Variants in RYR2 observed in about 807,000 individuals in gnomAD.
RYR2 encodes cardiac muscle ryanodine receptor-calcium release channel.
In RYR2, 227 loss-of-function variants were observed where a neutral mutation model predicts 601.1. That is an observed-to-expected ratio of 0.38 (90% confidence interval 0.34 to 0.42). RYR2 has a LOEUF of 0.42. Ranked by LOEUF, RYR2 falls within the 10% of genes least tolerant of loss-of-function variation. The pLI is 1.00. For synonymous variants in RYR2, 2,223 were observed against 2,175.1 expected (o/e 1.02, Z -0.61); for missense variants, 4,646 against 6,156.5 (o/e 0.75, Z 8.21).
intron 1 of RYR2, among the ~76,000 whole-genome samples, chr1:237,101,963 G>A (rs1398259489): frequency 6.6e-6 from 1 of 152,236 alleles, no homozygotes; most frequent in Non-Finnish European, 1.5e-5. Flanking sequence ...AGTTAATAAT[G>A]TGGCATCAAA....
At chr1:237,114,989 T>C (rs1669894263) in intron 1 of RYR2, among the ~76,000 whole-genome samples, 1 of 152,172 alleles carries the variant, frequency 6.6e-6, no homozygotes, top group African/African-American at 2.4e-5. Context: ...AGCAAGGTAG[T>C]CATCACCAAG....
At chr1:237,667,732 C>CAGAGA (rs1684450606) in intron 57 of RYR2, 151 bp from the exon 58 acceptor site, 2 of 531,644 alleles carry the variant, frequency 3.8e-6, no homozygotes, top group Admixed American at 7.6e-5. Flanking sequence ...CTGGGATTCA[C>CAGAGA]ATTCTAAAGA....
At chr1:237,288,966 T>G (rs1446983559) in intron 2 of RYR2, among the ~76,000 whole-genome samples, 1 of 152,144 alleles carries the variant, frequency 6.6e-6, no homozygotes, top group Admixed American at 6.5e-5. Flanking sequence ...CCCAGCGAGC[T>G]CCCAGGGCCT....
intron 3 of RYR2, among the ~76,000 whole-genome samples, chr1:237,345,179 G>T (rs548100721): frequency 6.6e-6 from 1 of 151,918 alleles, no homozygotes; most frequent in Non-Finnish European, 1.5e-5. Flanking sequence ...GATTATTGTG[G>T]GTCTTTTGCC....
intron 80 of RYR2, among the ~76,000 whole-genome samples, chr1:237,751,022 A>G (rs1692493352): frequency 6.6e-6 from 1 of 152,202 alleles, no homozygotes. Context: ...TATAGTTGTG[A>G]GTTTTCAAAA....
chr1:237,170,386 G>T (rs1677220172), intron 1 of RYR2, among the ~76,000 whole-genome samples: 1 of 152,170 alleles, frequency 6.6e-6, no homozygotes, highest in Non-Finnish European at 1.5e-5. Flanking sequence ...ACTGTAGAAG[G>T]TGGAAGGGAG....
intron 1 of RYR2, among the ~76,000 whole-genome samples, chr1:237,131,799 C>T (rs1672200802): frequency 2.0e-5 from 3 of 151,966 alleles, no homozygotes; most frequent in African/African-American, 7.3e-5. Context: ...TGGCTCATTG[C>T]AGCTTCGACC....
chr1:237,540,237 G>C (rs1053915265), intron 25 of RYR2, among the ~76,000 whole-genome samples: 2 of 151,940 alleles, frequency 1.3e-5, no homozygotes, highest in African/African-American at 4.8e-5. Context: ...AGAGCTTGTG[G>C]TCCTCACTAT....
intron 1 of RYR2, among the ~76,000 whole-genome samples, chr1:237,066,800 C>T (rs1663685399): frequency 6.6e-6 from 1 of 152,110 alleles, no homozygotes. Flanking sequence ...CACCACCACA[C>T]CCGGCTAATT....
chr1:237,364,337 CT>C lies in RYR2; in HGVS notation c.295-17del. ...ATCGTGTCTATTTAATGTTTCCTCT[CT>C]TTTCCTTATGCCCCTACAGAAATTC... is the stretch of plus-strand genomic sequence containing the variant. On this transcript the variant is annotated intron_variant, in intron 4 of 104. Transcript: ENST00000366574. 1 of 1,572,858 alleles carries C rather than the reference CT, an allele frequency of 6.4e-7. No individual in the cohort carries two copies. Among genetic ancestry groups the C allele is most frequent in the African/African-American group, 1.4e-5 (1 of 73,708 alleles).
intron 2 of RYR2, among the ~76,000 whole-genome samples, chr1:237,279,682 C>T (rs1043918876): frequency 7.9e-5 from 12 of 152,190 alleles, no homozygotes; most frequent in Non-Finnish European, 2.9e-5. Context: ...CAGTTTTATA[C>T]AGATGAGGAC....
intron 2 of RYR2, among the ~76,000 whole-genome samples, chr1:237,292,992 T>C (rs1572500391): frequency 6.6e-6 from 1 of 150,912 alleles, no homozygotes; most frequent in East Asian, 1.9e-4. Context: ...AAAAAAAAAG[T>C]CTTTTTTTTC....
At chr1:237,211,443 T>C (rs16834985) in intron 1 of RYR2, among the ~76,000 whole-genome samples, 2,435 of 152,336 alleles carry the variant, frequency 0.016, 78 homozygotes, top group African/African-American at 0.056. Context: ...TTTTCAGAGT[T>C]AATATTCTTT....
chr1:237,156,060 T>C (rs1324253693), intron 1 of RYR2, among the ~76,000 whole-genome samples: 2 of 152,214 alleles, frequency 1.3e-5, no homozygotes, highest in African/African-American at 2.4e-5. Flanking sequence ...TTTAGGCTTC[T>C]TTCTGTTGGA....
In RYR2 at chr1:237,590,720, C is replaced by A. The variant is rs373721253; in HGVS notation, c.3888C>A (p.Asn1296Lys). The A allele has an allele frequency of 6.2e-7, 1 of 1,610,558 alleles. No individual in the cohort carries two copies. Among genetic ancestry groups the A allele is most frequent in the East Asian group, 2.2e-5 (1 of 44,832 alleles). ...TQKSFGSQNSNTDIMFYRLSM... is the reference protein window; with the variant it reads ...TQKSFGSQNSKTDIMFYRLSM... ...AGTCTTTTGGTTCTCAGAACAGCAACACTGATATCATGTTTTATCGCCTGA... is the reference window on the plus strand; with the variant it reads ...AGTCTTTTGGTTCTCAGAACAGCAAAACTGATATCATGTTTTATCGCCTGA... The change falls in exon 31 of 105, where the codon AAC (asparagine) becomes AAA (lysine). Residue 1296 changes from asparagine (N) to lysine (K), a missense_variant. Asn to Lys is a moderately conservative substitution (Grantham distance 94). Around this residue, in one of 17 missense-constraint regions of RYR2, gnomAD observed 1,807 missense variants for 2,088.1 expected, o/e 0.87. Transcript: ENST00000366574.
chr1:237,725,169 T>A (rs570005422), intron 74 of RYR2, among the ~76,000 whole-genome samples: 1 of 152,116 alleles, frequency 6.6e-6, no homozygotes, highest in Non-Finnish European at 1.5e-5. Flanking sequence ...AAGTAGGTAA[T>A]CCCTGTATAA....
At chr1:237,270,181 A>T in intron 1 of RYR2, 1 of 435,584 alleles carries the variant, frequency 2.3e-6, no homozygotes, top group Non-Finnish European at 4.4e-6. Context: ...AGTGACGATA[A>T]TATGAAAATC....
At chr1:237,501,672 G>A (rs1664654336) in intron 21 of RYR2, among the ~76,000 whole-genome samples, 1 of 152,118 alleles carries the variant, frequency 6.6e-6, no homozygotes, top group Admixed American at 6.5e-5. Flanking sequence ...GCATCATATT[G>A]AAGAAGAAAC....
At chr1:237,645,703 T>C (rs911891380) in intron 48 of RYR2, among the ~76,000 whole-genome samples, 79 of 152,274 alleles carry the variant, frequency 5.2e-4, no homozygotes, top group African/African-American at 1.8e-3. Context: ...TTCTTTCCTT[T>C]TGTAGTTAGT....
Sources: gnomAD v4.1 joint callset for allele counts (sites outside exome capture counted in the v4.1 genomes callset) on GRCh38, gnomAD v4.1.1 for gene constraint, gnomAD v4.1.1 regional missense constraint, MANE v1.5 for transcripts, NCBI Gene and HGNC (gene_info 2026-07-23, HGNC 2026-07-21) for gene names.